The following P4HA3 variants were observed in gnomAD, a reference collection of about 807,000 sequenced individuals.
P4HA3 encodes the protein prolyl 4-hydroxylase subunit alpha-3.
P4HA3 carries 60 observed loss-of-function variants against 66.7 expected under a neutral mutation model. The ratio of observed to expected loss-of-function variants is 0.90; its 90% CI spans 0.73 to 1.12. The LOEUF (loss-of-function observed/expected upper bound fraction) is 1.12. Among genes scored for constraint, P4HA3 ranks in the 50% most tolerant of loss-of-function variants. The pLI, the probability that P4HA3 is intolerant of heterozygous loss-of-function variation, is 0.00. For synonymous variants in P4HA3, 263 were observed against 274.6 expected, an observed-to-expected ratio of 0.96 and a Z score of 0.42; for missense variants, 683 against 685.8, an observed-to-expected ratio of 1.00 and a Z score of 0.05.
chr11:74,273,699 T>C, intron 9 of P4HA3, 92 bp from the exon 10 acceptor site: 1 of 1,024,514 alleles, frequency 9.8e-7, no homozygotes. Context: ...AGAAGTAAAA[T>C]GGGGGCATCA....
chr11:74,274,896 C>T (rs1316051879), intron 9 of P4HA3, among the ~76,000 whole-genome samples: 2 of 152,092 alleles, frequency 1.3e-5, no homozygotes, highest in Non-Finnish European at 1.5e-5. Flanking sequence ...GAGTGCAGTG[C>T]TATCTCATTG....
At chr11:74,296,642 C>T (rs1366251678) in intron 4 of P4HA3, among the ~76,000 whole-genome samples, 6 of 152,124 alleles carry the variant, frequency 3.9e-5, no homozygotes, top group Non-Finnish European at 5.9e-5. Flanking sequence ...CCAGACAAAA[C>T]AGGATGTGGA....
intron 14 of P4HA3, among the ~76,000 whole-genome samples, chr11:74,260,666 A>G (rs138536590): frequency 1.3e-5 from 2 of 152,348 alleles, no homozygotes; most frequent in East Asian, 3.9e-4. Flanking sequence ...TCAAAAGAGC[A>G]CAAATGGTTT....
At chr11:74,251,267 G>C in intron 15 of P4HA3, 1 of 1,371,598 alleles carries the variant, frequency 7.3e-7, no homozygotes, top group Non-Finnish European at 9.4e-7. Context: ...AAGATCTTAA[G>C]CTCTACTTCT....
chr11:74,251,893 T>G, intron 15 of P4HA3: 1 of 871,492 alleles, frequency 1.1e-6, no homozygotes, highest in East Asian at 2.4e-5. Context: ...TGGTTGGTTG[T>G]TTCTTTGTGC....
At chr11:74,253,386 AG>A (rs1480194666) in intron 15 of P4HA3, 3 of 1,176,316 alleles carry the variant, frequency 2.6e-6, no homozygotes, top group Non-Finnish European at 3.7e-6. Flanking sequence ...CAGATTTGCC[AG>A]GGCCTTGGTG....
At chr11:74,287,027 C>A (rs200804909) in intron 5 of P4HA3, 25 of 994,090 alleles carry the variant, frequency 2.5e-5, no homozygotes, top group Non-Finnish European at 3.1e-5. Context: ...AGAAGTATGG[C>A]GCAGAGGGAC....
intron 4 of P4HA3, among the ~76,000 whole-genome samples, chr11:74,290,482 C>T (rs965040996): frequency 6.0e-5 from 9 of 150,902 alleles, no homozygotes; most frequent in African/African-American, 2.2e-4. Context: ...TCTTTTGTTG[C>T]CATTGCTTTT....
At chr11:74,262,689 C>G (rs541400315), downstream of P4HA3, among the ~76,000 whole-genome samples, 41 of 152,292 alleles carry the variant, frequency 2.7e-4, no homozygotes, top group Admixed American at 7.2e-4. Flanking sequence ...CTCCCCCTAG[C>G]CCTTAGCCGA....
chr11:74,309,071 G>T (rs183872685), intron 1 of P4HA3, among the ~76,000 whole-genome samples: 1 of 152,088 alleles, frequency 6.6e-6, no homozygotes, highest in East Asian at 1.9e-4. Context: ...TCTATGTCTT[G>T]GTATAACAGA....
At chr11:74,269,613 TC>T (rs1172719004) in intron 11 of P4HA3, 38 bp downstream of exon 11, 1 of 1,589,476 alleles carries the variant, frequency 6.3e-7, no homozygotes, top group Non-Finnish European at 8.6e-7. Flanking sequence ...AGCGCTGCAC[TC>T]CCTCAACCCC....
intron 3 of P4HA3, 38 bp downstream of exon 3, chr11:74,302,331 C>A (rs1480947864): frequency 8.5e-6 from 13 of 1,537,700 alleles, no homozygotes; most frequent in Non-Finnish European, 1.2e-5. Flanking sequence ...CATAAGAAAC[C>A]AGAGCCAAGC....
intron 15 of P4HA3, among the ~76,000 whole-genome samples, chr11:74,256,451 G>A (rs1418139126): frequency 6.6e-6 from 1 of 152,138 alleles, no homozygotes; most frequent in Non-Finnish European, 1.5e-5. Context: ...ATTTGAAATG[G>A]CTTGCCCACA....
intron 3 of P4HA3, among the ~76,000 whole-genome samples, chr11:74,301,947 G>A (rs1291002786): frequency 5.3e-5 from 8 of 151,902 alleles, no homozygotes; most frequent in East Asian, 1.9e-4. Flanking sequence ...CCAACCTTGC[G>A]TCCCTGACCC....
chr11:74,304,209 C>CT, intron 2 of P4HA3, 61 bp downstream of exon 2: 3 of 1,587,186 alleles, frequency 1.9e-6, no homozygotes, highest in Non-Finnish European at 2.6e-6. Context: ...AATCTCTCTC[C>CT]TTACCACCGA....
chr11:74,265,048 G>A (rs901630559), downstream of P4HA3, among the ~76,000 whole-genome samples: 1 of 152,132 alleles, frequency 6.6e-6, no homozygotes, highest in African/African-American at 2.4e-5. Flanking sequence ...CTGTAAAATG[G>A]GGATAACTGT....
At chr11:74,296,614 A>G (rs1861220665) in intron 4 of P4HA3, among the ~76,000 whole-genome samples, 1 of 152,232 alleles carries the variant, frequency 6.6e-6, no homozygotes, top group Non-Finnish European at 1.5e-5. Context: ...TGTGCCTTGT[A>G]ACATAAACAG....
At chr11:74,254,011 T>G (rs1565399209) in intron 15 of P4HA3, 2 of 157,034 alleles carry the variant, frequency 1.3e-5, no homozygotes, top group Admixed American at 1.3e-4. Flanking sequence ...AGTCGTACTC[T>G]TCCAGGTTTG....
In P4HA3 at chr11:74,302,527, C is replaced by T. The variant is rs1395230863; in HGVS notation, c.409G>A (p.Ala137Thr). ...TCCTGCAGCCGCATCAGGGCCCTTG[C>T]TGCTCCCTCAAGGTCCTCAAAGGCT... is the stretch of plus-strand genomic sequence containing the variant. The part of the protein sequence containing the change: ...LPAFEDLEGA[A>T]RALMRLQDVY... Residue 137 changes from alanine to threonine, a missense_variant, in exon 3 of 13, where the codon GCA (alanine) becomes ACA (threonine). Ala to Thr is a moderately conservative substitution (Grantham distance 58). Coordinates refer to ENST00000331597, the MANE Select transcript of P4HA3 (RefSeq NM_182904.5). The T allele has an allele frequency of 6.2e-7, 1 of 1,614,122 alleles. No individual in the cohort carries two copies. Among genetic ancestry groups the T allele is most frequent in the Non-Finnish European group, 8.5e-7 (1 of 1,180,054 alleles).
Sources: gnomAD v4.1 joint callset for allele counts (sites outside exome capture counted in the v4.1 genomes callset) on GRCh38, gnomAD v4.1.1 for gene constraint, MANE v1.5 for transcripts, NCBI Gene and HGNC (gene_info 2026-07-23, HGNC 2026-07-21) for gene names.